Variants in S100A16 observed in about 807,000 individuals in gnomAD.
S100A16 encodes S100 calcium binding protein A16.
A neutral mutation model predicts 9.0 loss-of-function variants in S100A16; 8 were observed. The observed-to-expected ratio is 0.89, with a 90% CI of 0.52 to 1.60. The LOEUF (loss-of-function observed/expected upper bound fraction) is 1.60, where lower values mean the gene tolerates loss of function less well. S100A16 is among the 40% of genes most tolerant of loss of function. The probability of loss-of-function intolerance (pLI) is 0.00; values close to 1 mark genes in which losing one functional copy is unlikely to be tolerated. For synonymous variants in S100A16, 51 were observed against 51.4 expected, an observed-to-expected ratio of 0.99 and a Z score of 0.04; for missense variants, 138 against 132.4, an observed-to-expected ratio of 1.04 and a Z score of -0.21.
chr1:153,611,544 C>T (rs180970886), intron 1 of S100A16, among the ~76,000 whole-genome samples: 23 of 152,210 alleles, frequency 1.5e-4, no homozygotes, highest in Non-Finnish European at 2.8e-4. Flanking sequence ...CATGAGTTTG[C>T]TTACTCATTC....
Position 153,607,625 on chromosome 1 carries a change from A to G in S100A16, c.221T>C (p.Ile74Thr). The G allele has an allele frequency of 6.2e-7, 1 of 1,614,156 alleles. No homozygotes were observed. Residue 74 changes from isoleucine (I) to threonine (T), a missense_variant, in exon 3 of 3, where the codon ATC becomes ACC. Coordinates refer to ENST00000368706, the MANE Select transcript of S100A16 (RefSeq NM_080388.3). ...CAAGGTCCAGTACTCATCGAAGCTG[A>G]TGCGCCCATCATGATTGGCATCCAG... ...QNLDANHDGR[I>T]SFDEYWTLIG...
In S100A16 at chr1:153,608,173, G is replaced by T. The variant is rs765235384; in HGVS notation, c.-22C>A. On this transcript the variant is annotated 5_prime_UTR_variant, in exon 2 of 3. Coordinates refer to ENST00000368706, the MANE Select transcript of S100A16 (RefSeq NM_080388.3). Reference sequence around the variant, plus strand: ...ACATCTCCCTGCTTCGCCTGCTGGCGGGGCCTGGACACCAGGAGGAGGGGA... The same window carrying T: ...ACATCTCCCTGCTTCGCCTGCTGGCTGGGCCTGGACACCAGGAGGAGGGGA... 47 of 1,610,906 alleles carry T rather than the reference G, an allele frequency of 2.9e-5. 1 individual carries two copies. Among genetic ancestry groups the T allele is most frequent in the Admixed American group, 2.5e-4 (15 of 59,964 alleles).
intron 2 of S100A16, 129 bp from the exon 3 acceptor site, chr1:153,607,821 C>T: frequency 7.7e-7 from 1 of 1,293,258 alleles, no homozygotes; most frequent in African/African-American, 1.5e-5. Flanking sequence ...ATATAGCCCT[C>T]ACTGGCTAGG....
chr1:153,611,757 G>C (rs1399873768), intron 1 of S100A16, among the ~76,000 whole-genome samples: 4 of 152,090 alleles, frequency 2.6e-5, no homozygotes, highest in Non-Finnish European at 5.9e-5. Context: ...AATTTCTCCA[G>C]CCTCAGCTGT....
chr1:153,607,867 T>C, intron 2 of S100A16, 132 bp downstream of exon 2: 2 of 1,184,780 alleles, frequency 1.7e-6, no homozygotes, highest in Non-Finnish European at 2.4e-6. Flanking sequence ...CCTGGGGGTG[T>C]AGAAGACCCT....
At chr1:153,608,657 G>C (rs1387784335) in intron 1 of S100A16, among the ~76,000 whole-genome samples, 1 of 152,206 alleles carries the variant, frequency 6.6e-6, no homozygotes, top group African/African-American at 2.4e-5. Flanking sequence ...CCAGCCCCAG[G>C]CAACAAAGCA....
In S100A16 at chr1:153,607,998, C is replaced by T; in HGVS notation, c.153+1G>A. ...CAAGGCCCTTGGGTGAGAGGCCTTA[C>T]CGACAGCATGTGGTTCAGCTCTTTC... On this transcript the variant is annotated splice_donor_variant, in intron 2 of 2. Transcript: ENST00000368706. LOFTEE classifies it high-confidence loss of function. 6.2e-7 allele frequency: 1 copy of T among 1,613,760 alleles called. No individual in the cohort carries two copies. Among genetic ancestry groups the T allele is most frequent in the Non-Finnish European group, 8.5e-7 (1 of 1,179,876 alleles).
chr1:153,611,427 T>A (rs1382642312), intron 1 of S100A16, among the ~76,000 whole-genome samples: 2 of 151,978 alleles, frequency 1.3e-5, no homozygotes, highest in Non-Finnish European at 2.9e-5. Flanking sequence ...TAGACTCCTG[T>A]CCCTCCTGGT....
In S100A16 at chr1:153,607,561, A is replaced by G. The variant is rs773930563; in HGVS notation, c.285T>C (p.His95=). Residue 95 remains histidine, a synonymous_variant, in exon 3 of 3, where the codon CAT becomes CAC. Transcript: ENST00000368706. ...AGCTGCTGCTCTGCTGCTCCTGCTC[A>G]TGGATGAGTTTGGCGATGGGGCCGG... is the stretch of plus-strand genomic sequence containing the variant. ...GITGPIAKLI[H]EQEQQSSS 16 of 1,614,100 alleles carry G rather than the reference A, an allele frequency of 9.9e-6. No individual in the cohort carries two copies. The highest frequency in any genetic ancestry group is 1.3e-5 in the African/African-American group (1 of 74,942).
At position 153,613,108 on chromosome 1, in the gene S100A16, G is replaced by A. The variant is rs9700179; in HGVS notation, c.-183C>T. 54,501 of 152,354 alleles carry A rather than the reference G, an allele frequency of 0.36. 12,014 individuals are homozygous for A. Among genetic ancestry groups the A allele is most frequent in the East Asian group, 0.68 (3,526 of 5,148 alleles). The allele number at this position is 152,354 out of a possible 1,614,324, so 9.4% of individuals were successfully genotyped here. The stretch of plus-strand genomic sequence containing the variant: ...CCAGCCCTGCCCGCTGAGCTGGCTC[G>A]GTGGGGAGATAGTGGCTGAGCTCCT... On this transcript the variant is annotated 5_prime_UTR_variant, in exon 1 of 3. Transcript: ENST00000368706.
chr1:153,611,915 T>TCACACACACACACACACACACACACA (rs1250361327), intron 1 of S100A16, among the ~76,000 whole-genome samples: 1 of 79,714 alleles, frequency 1.3e-5, no homozygotes, highest in Non-Finnish European at 2.9e-5. Context: ...TTTGTCTCTC[T>TCACACACACACACACACACACACACA]CTCACACACA....
chr1:153,607,814 T>C, intron 2 of S100A16, 122 bp from the exon 3 acceptor site: 3 of 1,320,560 alleles, frequency 2.3e-6, no homozygotes, highest in East Asian at 2.4e-5. Flanking sequence ...AATGCAAATA[T>C]AGCCCTCACT....
chr1:153,607,694 TG>T lies in S100A16; in HGVS notation c.154-3del, dbSNP rs751528626. 1.8e-4 allele frequency: 285 copies of T among 1,614,130 alleles called. 2 individuals carry two copies. In the East Asian group the frequency reaches 6.3e-3, roughly 36 times the overall value. On this transcript the variant is annotated splice_polypyrimidine_tract_variant and splice_region_variant and intron_variant, in intron 2 of 2. Coordinates refer to ENST00000368706, the MANE Select transcript of S100A16 (RefSeq NM_080388.3). ...CGCAGCCTTCCGGTTCCCTGTGTCC[TG>T]GGGAGGAAGCAGGGTCAGCAATGCT...
chr1:153,609,649 G>A (rs1053805693), intron 1 of S100A16, among the ~76,000 whole-genome samples: 1 of 152,110 alleles, frequency 6.6e-6, no homozygotes, highest in Non-Finnish European at 1.5e-5. Flanking sequence ...TTCAATCCTG[G>A]ATATACACCA....
At chr1:153,611,917 T>TCACACACACACACA (rs55729519) in intron 1 of S100A16, among the ~76,000 whole-genome samples, 4,617 of 140,734 alleles carry the variant, frequency 0.033, 104 homozygotes, top group Non-Finnish European at 0.044. Context: ...TGTCTCTCTC[T>TCACACACACACACA]CACACACACA....
At position 153,607,043 on chromosome 1, in the gene S100A16, C is replaced by G; in HGVS notation, c.*491G>C. The G allele has an allele frequency of 2.9e-6, 1 of 342,700 alleles. No homozygotes were observed. The highest frequency in any genetic ancestry group is 2.3e-5 in the South Asian group (1 of 43,456). 21.2% of individuals were successfully genotyped at this position (342,700 alleles called of 1,614,324 possible). A position where few individuals can be genotyped will look rare whatever the true frequency, so the allele number is the denominator to read the frequency against. On this transcript the variant is annotated 3_prime_UTR_variant, in exon 3 of 3. Coordinates refer to ENST00000368706, the MANE Select transcript of S100A16 (RefSeq NM_080388.3). Reference sequence around the variant, plus strand: ...TGAAGAGGCAGCTGGAGGGAAGTCCCTGAAAGTGCCTCTCTACCCAGCAGA... The same window carrying G: ...TGAAGAGGCAGCTGGAGGGAAGTCCGTGAAAGTGCCTCTCTACCCAGCAGA...
In S100A16 at chr1:153,609,854, C is replaced by CA. The variant is rs200700874; in HGVS notation, c.-26-1678dup. ...AGGGTGGGACCAGGAGGGAACAGGC[C>CA]AGGAAGCAAGAAGGAAGGAGAGTTG... On this transcript the variant is annotated intron_variant, in intron 1 of 2. Coordinates refer to ENST00000368706, the MANE Select transcript of S100A16 (RefSeq NM_080388.3). Among the ~76,000 whole-genome samples the CA allele has an allele frequency of 1.7e-3, 255 of 152,120 alleles. 1 individual carries two copies. Among genetic ancestry groups the CA allele is most frequent in the African/African-American group, 5.4e-3 (226 of 41,478 alleles).
Position 153,608,140 on chromosome 1 carries a change from G to A in S100A16, c.12C>T (p.Cys4=). ...TGACTGCCTTCTCCAGCTCCGTGTA[G>A]CAGTCTGACATCTCCCTGCTTCGCC... MSD[C]YTELEKAVIV... is the part of the protein sequence containing the mutation. The change falls in exon 2 of 3, where the codon TGC becomes TGT. Residue 4 remains cysteine, a synonymous_variant. Transcript: ENST00000368706. 1 of 1,613,720 alleles carries A rather than the reference G, an allele frequency of 6.2e-7. No individual in the cohort carries two copies. The highest frequency in any genetic ancestry group is 8.5e-7 in the Non-Finnish European group (1 of 1,179,916).
intron 1 of S100A16, among the ~76,000 whole-genome samples, chr1:153,612,701 T>C (rs1247202907): frequency 6.6e-6 from 1 of 152,126 alleles, no homozygotes; most frequent in African/African-American, 2.4e-5. Flanking sequence ...CTCCGTCAGC[T>C]GCTGCGGCAG....
Sources: allele counts gnomAD v4.1 joint callset (sites outside exome capture counted in the v4.1 genomes callset), GRCh38; gene constraint gnomAD v4.1.1; transcripts MANE v1.5; gene names NCBI Gene and HGNC (gene_info 2026-07-23, HGNC 2026-07-21).